Variants in DLGAP2 observed in about 807,000 individuals in gnomAD.
The protein encoded by DLGAP2 is disks large-associated protein 2.
DLGAP2 carries 26 observed loss-of-function variants against 100.3 expected under a neutral mutation model. The observed-to-expected ratio is 0.26, with a 90% CI of 0.19 to 0.36. The LOEUF (loss-of-function observed/expected upper bound fraction) is 0.36. Ranked by LOEUF, DLGAP2 falls within the 10% of genes least tolerant of loss-of-function variation. DLGAP2 has a pLI of 1.00. For missense variants in DLGAP2, 1,858 were observed against 1,453.2 expected (o/e 1.28, Z -4.53); for synonymous variants, 886 against 630.1 (o/e 1.41, Z -6.08).
chr8:1,662,524 C>G (rs1798431403), intron 8 of DLGAP2, among the ~76,000 whole-genome samples: 1 of 152,182 alleles, frequency 6.6e-6, no homozygotes, highest in African/African-American at 2.4e-5. Context: ...TAAGGTTCTG[C>G]TATGTAAATG....
intron 3 of DLGAP2, among the ~76,000 whole-genome samples, chr8:1,437,792 A>G (rs1277825946): frequency 2.5e-5 from 3 of 120,336 alleles, no homozygotes; most frequent in African/African-American, 9.9e-5. Flanking sequence ...ACATTGTGAA[A>G]CCCCGTCTCT....
At chr8:763,904 A>G (rs1821147830) in intron 1 of DLGAP2, among the ~76,000 whole-genome samples, 1 of 152,256 alleles carries the variant, frequency 6.6e-6, no homozygotes, top group Admixed American at 6.5e-5. Flanking sequence ...AGAATTAAAC[A>G]GAAAGTGACG....
chr8:1,436,422 G>T (rs186978056), intron 3 of DLGAP2, among the ~76,000 whole-genome samples: 132 of 152,250 alleles, frequency 8.7e-4, no homozygotes, highest in African/African-American at 2.8e-3. Context: ...TCCTAGCCGT[G>T]CTGGCAGCCG....
intron 6 of DLGAP2, among the ~76,000 whole-genome samples, chr8:1,588,286 A>G (rs1307097503): frequency 6.6e-6 from 1 of 152,138 alleles, no homozygotes; most frequent in East Asian, 1.9e-4. Context: ...GATTCCAGAG[A>G]ATGTACTGAA....
At chr8:1,445,173 G>T (rs1797950560) in intron 3 of DLGAP2, among the ~76,000 whole-genome samples, 3 of 149,752 alleles carry the variant, frequency 2.0e-5, no homozygotes, top group Admixed American at 2.0e-4. Context: ...GTGCCATGCT[G>T]GTGTGCTGCA....
Position 1,703,650 on chromosome 8 carries a change from TG to T in DLGAP2, c.*2245del, listed in dbSNP as rs1563073376. 7.2e-5 allele frequency: 11 copies of T among 152,344 alleles called. No individual in the cohort carries two copies. In the South Asian group the frequency reaches 2.3e-3, roughly 32 times the overall value. The allele number at this position is 152,344 out of a possible 1,614,324, so 9.4% of individuals were successfully genotyped here. A position where few individuals can be genotyped will look rare whatever the true frequency, so the allele number is the denominator to read the frequency against. On this transcript the variant is annotated 3_prime_UTR_variant, in exon 15 of 15. Transcript: ENST00000637795. ...AGCTGATACGTTTAACTCATTTCCT[TG>T]AGCTTATACAAAACATAGAAAAGCA... is the stretch of plus-strand genomic sequence containing the variant.
intron 2 of DLGAP2, among the ~76,000 whole-genome samples, chr8:948,345 A>G (rs541964953): frequency 6.6e-5 from 10 of 152,256 alleles, no homozygotes; most frequent in African/African-American, 2.4e-4. Context: ...GTCCGTGCAG[A>G]GGAAGGAAGA....
At chr8:1,112,237 A>ATTTT (rs4044488) in intron 2 of DLGAP2, among the ~76,000 whole-genome samples, 4,399 of 97,900 alleles carry the variant, frequency 0.045, 290 homozygotes, top group Non-Finnish European at 0.051. Flanking sequence ...TCCTTTGCCC[A>ATTTT]TTTTTTTTTT....
In DLGAP2 at chr8:1,472,708, C is replaced by T. The variant is rs543222905; in HGVS notation, c.107-28658C>T. The stretch of plus-strand genomic sequence containing the variant: ...AGCTGCCAGCCAGCCACAGTGGTCT[C>T]TGCAGAAAGTTAACCCTATCATGAC... On this transcript the variant is annotated intron_variant, in intron 3 of 14. Transcript: ENST00000637795. 9.0e-4 allele frequency among the ~76,000 whole-genome samples: 137 copies of T among 152,298 alleles called. 1 individual carries two copies. In the Middle Eastern group the frequency reaches 0.01, roughly 11 times the overall value.
Position 807,257 on chromosome 8 carries a change from A to G in DLGAP2, c.18+69432A>G, listed in dbSNP as rs552666306. Among the ~76,000 whole-genome samples the G allele has an allele frequency of 3.3e-5, 5 of 150,494 alleles. No homozygotes were observed. In the East Asian group the frequency reaches 7.9e-4, roughly 24 times the overall value. On this transcript the variant is annotated intron_variant, in intron 1 of 14. Transcript: ENST00000637795. ...CTCTCTCCTCTTTTTCTTCTCATTC[A>G]TACGTTCTCTCTCCTCTTTTTCTTC... is the stretch of plus-strand genomic sequence containing the variant.
At chr8:1,414,245 C>A (rs1220804491) in intron 3 of DLGAP2, among the ~76,000 whole-genome samples, 5 of 152,192 alleles carry the variant, frequency 3.3e-5, no homozygotes, top group African/African-American at 4.8e-5. Flanking sequence ...CAGGGGTGTT[C>A]TGTGGACTCT....
intron 3 of DLGAP2, among the ~76,000 whole-genome samples, chr8:1,414,660 C>T (rs1474516069): frequency 1.3e-5 from 2 of 149,928 alleles, no homozygotes; most frequent in Non-Finnish European, 3.0e-5. Flanking sequence ...CACGTCCAGG[C>T]GTCCTCTGCC....
At chr8:931,210 G>A (rs543101639) in intron 2 of DLGAP2, among the ~76,000 whole-genome samples, 3 of 152,258 alleles carry the variant, frequency 2.0e-5, no homozygotes, top group East Asian at 3.9e-4. Flanking sequence ...TGGGACAGGC[G>A]GGTGTCTGAG....
chr8:1,574,513 C>CCCCTCGGTGATGAGTCACCT (rs1802884368), intron 6 of DLGAP2, among the ~76,000 whole-genome samples: 1 of 152,150 alleles, frequency 6.6e-6, no homozygotes, highest in South Asian at 2.1e-4. Context: ...AGCAGAATCT[C>CCCCTCGGTGATGAGTCACCT]CCCTCGGTGA....
chr8:1,698,051 G>A (rs1042225087), intron 14 of DLGAP2, among the ~76,000 whole-genome samples: 4 of 152,242 alleles, frequency 2.6e-5, no homozygotes, highest in East Asian at 1.9e-4. Flanking sequence ...CTTTGGGGAA[G>A]TGGTGTTTGG....
At chr8:1,261,367 C>G (rs183938027) in intron 3 of DLGAP2, among the ~76,000 whole-genome samples, 66 of 139,294 alleles carry the variant, frequency 4.7e-4, no homozygotes, top group African/African-American at 1.6e-3. Flanking sequence ...GGCAGGTCAG[C>G]TTCCAGATCT....
chr8:1,512,905 T>C (rs1366389468), intron 4 of DLGAP2, among the ~76,000 whole-genome samples: 1 of 152,274 alleles, frequency 6.6e-6, no homozygotes, highest in Non-Finnish European at 1.5e-5. Context: ...ACCGCCACCC[T>C]GTGCCATCTG....
At chr8:1,591,585 G>A (rs1013667453) in intron 6 of DLGAP2, among the ~76,000 whole-genome samples, 1 of 152,088 alleles carries the variant, frequency 6.6e-6, no homozygotes, top group Non-Finnish European at 1.5e-5. Context: ...TGTGGGGTAC[G>A]TTTCTTTGGG....
intron 3 of DLGAP2, among the ~76,000 whole-genome samples, chr8:1,409,610 C>G (rs1222139309): frequency 6.6e-6 from 1 of 152,212 alleles, no homozygotes; most frequent in Non-Finnish European, 1.5e-5. Flanking sequence ...GCCCACAGAG[C>G]TGGGAAGACA....
Sources: allele counts gnomAD v4.1 joint callset (sites outside exome capture counted in the v4.1 genomes callset), GRCh38; gene constraint gnomAD v4.1.1; transcripts MANE v1.5; gene names NCBI Gene and HGNC (gene_info 2026-07-23, HGNC 2026-07-21).